The following SLC16A10 variants were observed in gnomAD, a reference collection of about 807,000 sequenced individuals.
The protein encoded by SLC16A10 is monocarboxylate transporter 10.
A neutral mutation model predicts 40.0 loss-of-function variants in SLC16A10; 27 were observed. The ratio of observed to expected loss-of-function variants is 0.67; its 90% confidence interval spans 0.50 to 0.93. The LOEUF is 0.93. SLC16A10 is among the 40% of genes least tolerant of loss of function. The pLI, the probability that SLC16A10 is intolerant of heterozygous loss-of-function variation, is 0.00. For missense variants in SLC16A10, 529 were observed against 658.2 expected, an observed-to-expected ratio of 0.80 and a Z score of 2.15; for synonymous variants, 213 against 249.8, an observed-to-expected ratio of 0.85 and a Z score of 1.39.
In SLC16A10 at chr6:111,171,475, G is replaced by C. The variant is rs554987984; in HGVS notation, c.344-1220G>C. Among the ~76,000 whole-genome samples, 4 of 152,290 alleles carry C rather than the reference G, an allele frequency of 2.6e-5. No individual in the cohort carries two copies. In the East Asian group the frequency reaches 7.7e-4, roughly 29 times the overall value. The stretch of plus-strand genomic sequence containing the variant: ...AAGACCAGCTTGAGTAGCAAAGTGA[G>C]ACCCTGTCTGTACAAAAGAAACACA... On this transcript the variant is annotated intron_variant, in intron 1 of 5. Transcript: ENST00000368851.
intron 3 of SLC16A10, among the ~76,000 whole-genome samples, chr6:111,196,945 G>A (rs569191567): frequency 6.6e-6 from 1 of 152,226 alleles, no homozygotes; most frequent in South Asian, 2.1e-4. Context: ...AGAGACTAAT[G>A]TTAATTTCAT....
At chr6:111,088,245 G>T (rs1770906764) in intron 1 of SLC16A10, 150 bp downstream of exon 1, 1 of 728,366 alleles carries the variant, frequency 1.4e-6, no homozygotes, top group Admixed American at 3.4e-5. Context: ...TCGAGTTGCA[G>T]ACAGAGCCTG....
rs1298872735 is a variant in SLC16A10 at position 111,225,035 on chromosome 6, A to G, written c.*2800A>G. The G allele has an allele frequency of 6.6e-6, 1 of 152,206 alleles. No individual in the cohort carries two copies. Among genetic ancestry groups the G allele is most frequent in the Non-Finnish European group, 1.5e-5 (1 of 68,032 alleles). The allele number at this position is 152,206 out of a possible 1,614,324, so 9.4% of individuals were successfully genotyped here. On this transcript the variant is annotated 3_prime_UTR_variant, in exon 6 of 6. Transcript: ENST00000368851. ...CCTTTTTATAGATACTCTAGATTGG[A>G]TACTATTGTAACAGATGGCCAAGAA...
intron 1 of SLC16A10, among the ~76,000 whole-genome samples, chr6:111,156,394 A>T (rs1772270955): frequency 6.6e-6 from 1 of 152,226 alleles, no homozygotes; most frequent in Admixed American, 6.5e-5. Flanking sequence ...TCCCACCCAG[A>T]TGATCAAGGT....
intron 1 of SLC16A10, among the ~76,000 whole-genome samples, chr6:111,095,682 T>C (rs1409107940): frequency 1.3e-5 from 2 of 152,188 alleles, no homozygotes; most frequent in Non-Finnish European, 2.9e-5. Context: ...GGGCAGGTTT[T>C]CCTGTGCTGT....
intron 1 of SLC16A10, among the ~76,000 whole-genome samples, chr6:111,121,432 G>T (rs1339396868): frequency 1.3e-5 from 2 of 152,188 alleles, no homozygotes; most frequent in East Asian, 3.9e-4. Context: ...GTGGTGGCGT[G>T]TGCCTGTAGT....
At chr6:111,208,097 T>G (rs2114584784) in intron 4 of SLC16A10, among the ~76,000 whole-genome samples, 1 of 152,188 alleles carries the variant, frequency 6.6e-6, no homozygotes, top group Non-Finnish European at 1.5e-5. Context: ...AACTCCTGAG[T>G]AGATGGGACT....
intron 4 of SLC16A10, among the ~76,000 whole-genome samples, chr6:111,206,994 A>C (rs975770954): frequency 2.6e-5 from 4 of 152,080 alleles, no homozygotes; most frequent in Non-Finnish European, 4.4e-5. Flanking sequence ...ACACCAGGCT[A>C]ATTTTTGTAT....
chr6:111,195,255 A>G (rs1180220724), intron 3 of SLC16A10, among the ~76,000 whole-genome samples: 3 of 152,232 alleles, frequency 2.0e-5, no homozygotes, highest in Non-Finnish European at 4.4e-5. Flanking sequence ...TGAGGACATT[A>G]CACCAAATGA....
chr6:111,213,774 T>C (rs1386230968), intron 4 of SLC16A10, among the ~76,000 whole-genome samples: 1 of 152,242 alleles, frequency 6.6e-6, no homozygotes, highest in Admixed American at 6.5e-5. Context: ...GACACTGGCC[T>C]CTGTGTGCTT....
intron 4 of SLC16A10, among the ~76,000 whole-genome samples, chr6:111,207,461 A>G (rs111448734): frequency 6.6e-6 from 1 of 152,368 alleles, no homozygotes; most frequent in African/African-American, 2.4e-5. Flanking sequence ...GACAATCAAC[A>G]GAACAGGTAT....
chr6:111,202,135 G>A (rs554889957), intron 3 of SLC16A10, among the ~76,000 whole-genome samples: 1 of 152,174 alleles, frequency 6.6e-6, no homozygotes, highest in Admixed American at 6.5e-5. Flanking sequence ...TCTGTCTGTG[G>A]GCTCTAGTGA....
chr6:111,201,880 T>C (rs566202199), intron 3 of SLC16A10, among the ~76,000 whole-genome samples: 42 of 152,328 alleles, frequency 2.8e-4, no homozygotes, highest in Non-Finnish European at 5.6e-4. Context: ...TTCTAATGCA[T>C]GTTCGTTGGC....
chr6:111,212,136 C>T (rs929740065), intron 4 of SLC16A10, among the ~76,000 whole-genome samples: 4 of 152,052 alleles, frequency 2.6e-5, no homozygotes, highest in African/African-American at 7.2e-5. Context: ...AGGAGGCTGC[C>T]GAGCCCAAGA....
intron 1 of SLC16A10, among the ~76,000 whole-genome samples, chr6:111,131,227 C>T (rs1216955315): frequency 6.6e-6 from 1 of 152,272 alleles, no homozygotes; most frequent in African/African-American, 2.4e-5. Context: ...ACCTCTGGTC[C>T]AGCGAGGTGG....
At chr6:111,121,382 G>A (rs1771580618) in intron 1 of SLC16A10, among the ~76,000 whole-genome samples, 1 of 152,186 alleles carries the variant, frequency 6.6e-6, no homozygotes, top group African/African-American at 2.4e-5. Context: ...GGCAACATAG[G>A]AAACCCTGTC....
At chr6:111,090,768 A>G (rs1190178148) in intron 1 of SLC16A10, among the ~76,000 whole-genome samples, 2 of 152,198 alleles carry the variant, frequency 1.3e-5, no homozygotes, top group Admixed American at 1.3e-4. Flanking sequence ...TCTGTGATCA[A>G]GCATATGCAA....
intron 1 of SLC16A10, among the ~76,000 whole-genome samples, chr6:111,112,064 T>C (rs1422259750): frequency 6.6e-6 from 1 of 152,180 alleles, no homozygotes; most frequent in Admixed American, 6.5e-5. Flanking sequence ...AGAGTCTTGC[T>C]CTGTTGCCCG....
chr6:111,162,862 C>G (rs552583907), intron 1 of SLC16A10, among the ~76,000 whole-genome samples: 28 of 152,168 alleles, frequency 1.8e-4, no homozygotes, highest in Admixed American at 1.8e-3. Flanking sequence ...TAGTTCAGTA[C>G]ATTCTATTAA....
Sources: allele counts gnomAD v4.1 joint callset (sites outside exome capture counted in the v4.1 genomes callset), GRCh38; gene constraint gnomAD v4.1.1; transcripts MANE v1.5; gene names NCBI Gene and HGNC (gene_info 2026-07-23, HGNC 2026-07-21).